The following NDUFAB1 variants were observed in gnomAD, a reference collection of about 807,000 sequenced individuals.
NDUFAB1 encodes acyl carrier protein, mitochondrial.
In NDUFAB1, 5 loss-of-function variants were observed where a neutral mutation model predicts 16.1. The observed-to-expected ratio is 0.31, with a 90% confidence interval of 0.16 to 0.65. The LOEUF is 0.65. Among genes scored for constraint, NDUFAB1 ranks in the 30% least tolerant of loss-of-function variants. The pLI is 0.77. For synonymous variants in NDUFAB1, 85 were observed against 78.4 expected (o/e 1.08, Z -0.44); for missense variants, 187 against 205.3 (o/e 0.91, Z 0.54).
At chr16:23,586,217 C>T (rs1010872684) in intron 2 of NDUFAB1, among the ~76,000 whole-genome samples, 1 of 151,920 alleles carries the variant, frequency 6.6e-6, no homozygotes, top group Non-Finnish European at 1.5e-5. Context: ...TGAGCCACTG[C>T]GCCTGGCCAA....
intron 1 of NDUFAB1, among the ~76,000 whole-genome samples, chr16:23,593,895 T>TATTG (rs1555507889): frequency 7.2e-6 from 1 of 139,722 alleles, no homozygotes; most frequent in Non-Finnish European, 1.5e-5. Context: ...TTTATTTATT[T>TATTG]ATTGAGATGG....
intron 1 of NDUFAB1, among the ~76,000 whole-genome samples, chr16:23,594,586 T>G (rs1287963802): frequency 6.6e-6 from 1 of 151,896 alleles, no homozygotes; most frequent in African/African-American, 2.4e-5. Flanking sequence ...TCGCCTGACC[T>G]CGTGATCCGC....
chr16:23,591,787 A>G (rs889248528), intron 1 of NDUFAB1, among the ~76,000 whole-genome samples: 1 of 152,150 alleles, frequency 6.6e-6, no homozygotes, highest in African/African-American at 2.4e-5. Context: ...GGCCTTCAAG[A>G]TCACGTTCAC....
chr16:23,589,958 A>AAAAAAAAG (rs1966265136), intron 1 of NDUFAB1, among the ~76,000 whole-genome samples: 1 of 136,106 alleles, frequency 7.3e-6, no homozygotes, highest in African/African-American at 2.8e-5. Flanking sequence ...AAAAAAAAAA[A>AAAAAAAAG]AAAAAAAGAA....
chr16:23,587,614 C>A (rs1210372368), intron 1 of NDUFAB1, among the ~76,000 whole-genome samples: 1 of 152,252 alleles, frequency 6.6e-6, no homozygotes, highest in Non-Finnish European at 1.5e-5. Flanking sequence ...CTAACTGCCA[C>A]TAAAATTGTC....
chr16:23,582,703 GCTCCCTCTCCCTCTCCCCACGGTCTCCCT>G (rs1966190960), intron 3 of NDUFAB1, among the ~76,000 whole-genome samples: 3 of 145,488 alleles, frequency 2.1e-5, no homozygotes, highest in South Asian at 4.5e-4. Flanking sequence ...AAGAAACCCA[GCTCCCTCTCCCTCTCCCCACGGTCTCCCT>G]CTCCCTCTCC....
intron 1 of NDUFAB1, among the ~76,000 whole-genome samples, chr16:23,593,583 A>G (rs1966297016): frequency 6.6e-6 from 1 of 152,202 alleles, no homozygotes; most frequent in Non-Finnish European, 1.5e-5. Context: ...GCCATAGTGG[A>G]ACATTTCTGA....
intron 1 of NDUFAB1, among the ~76,000 whole-genome samples, chr16:23,593,863 T>TATTG (rs1254732044): frequency 7.5e-6 from 1 of 133,332 alleles, no homozygotes; most frequent in Non-Finnish European, 1.6e-5. Context: ...TTTATTTATT[T>TATTG]ATTTATTTAT....
intron 1 of NDUFAB1, among the ~76,000 whole-genome samples, chr16:23,588,684 A>T (rs1966253787): frequency 6.6e-6 from 1 of 152,168 alleles, no homozygotes; most frequent in Non-Finnish European, 1.5e-5. Flanking sequence ...ATCTTGCATA[A>T]AGAACAGGTA....
At chr16:23,591,796 A>AAGTAT (rs1214460198) in intron 1 of NDUFAB1, among the ~76,000 whole-genome samples, 1 of 152,176 alleles carries the variant, frequency 6.6e-6, no homozygotes, top group Non-Finnish European at 1.5e-5. Flanking sequence ...GATCACGTTC[A>AAGTAT]CTGAGAGATT....
intron 1 of NDUFAB1, among the ~76,000 whole-genome samples, 169 bp from the exon 2 acceptor site, chr16:23,587,488 G>A (rs753736381): frequency 3.9e-5 from 6 of 152,154 alleles, no homozygotes; most frequent in African/African-American, 9.7e-5. Flanking sequence ...CTGGGTAATC[G>A]CAGAAGCCCC....
chr16:23,585,853 C>T (rs550099), intron 2 of NDUFAB1, among the ~76,000 whole-genome samples: 13,243 of 152,156 alleles, frequency 0.087, 627 homozygotes, highest in East Asian at 0.17. Context: ...CTAGTATGTA[C>T]ATGGTTTGCT....
chr16:23,589,101 T>C (rs1966257308), intron 1 of NDUFAB1, among the ~76,000 whole-genome samples: 2 of 151,542 alleles, frequency 1.3e-5, no homozygotes, highest in Non-Finnish European at 2.9e-5. Flanking sequence ...AGTTCGACAC[T>C]AGCCTGACCA....
At chr16:23,592,108 A>G (rs910739360) in intron 1 of NDUFAB1, among the ~76,000 whole-genome samples, 1 of 152,208 alleles carries the variant, frequency 6.6e-6, no homozygotes, top group African/African-American at 2.4e-5. Context: ...GTGGCCGGAA[A>G]GGAGGATGCC....
At chr16:23,592,366 A>G (rs1022823092) in intron 1 of NDUFAB1, among the ~76,000 whole-genome samples, 11 of 151,206 alleles carry the variant, frequency 7.3e-5, no homozygotes, top group African/African-American at 2.4e-4. Flanking sequence ...AAAAGTCATG[A>G]AAGTGCAGTG....
At chr16:23,586,856 C>CA (rs1966237574) in intron 2 of NDUFAB1, among the ~76,000 whole-genome samples, 1 of 150,800 alleles carries the variant, frequency 6.6e-6, no homozygotes. Flanking sequence ...ACATGTTAGT[C>CA]AGGCTGGTCT....
chr16:23,585,259 C>G, intron 3 of NDUFAB1, 77 bp downstream of exon 3: 1 of 1,065,878 alleles, frequency 9.4e-7, no homozygotes, highest in South Asian at 1.3e-5. Flanking sequence ...AATTCCAATT[C>G]AGACGCCCAC....
rs1303412193 is a variant in NDUFAB1 at position 23,587,296 on chromosome 16, C to A, written c.192G>T (p.Leu64Phe). The A allele has an allele frequency of 6.2e-7, 1 of 1,614,058 alleles. No homozygotes were observed. ...LAQVPGRVTQ[L>F]CRQYSDMPPL... is the part of the protein sequence containing the mutation. ...GAGGCATGTCGCTATACTGGCGGCA[C>A]AACTGTGTAACTCTACCAGGAACCT... Residue 64 changes from leucine to phenylalanine, a missense_variant, in exon 2 of 5, where the codon TTG (leucine) becomes TTT (phenylalanine). Around this residue, in one of 3 missense-constraint regions of NDUFAB1, gnomAD observed 135 missense variants for 129.4 expected, o/e 1.04. Transcript: ENST00000007516.
intron 2 of NDUFAB1, among the ~76,000 whole-genome samples, chr16:23,586,084 C>T (rs527536423): frequency 2.0e-5 from 3 of 151,914 alleles, no homozygotes; most frequent in African/African-American, 7.2e-5. Flanking sequence ...TGCACCACCA[C>T]GCCCAGCTAA....
Sources: gnomAD v4.1 joint callset for allele counts (sites outside exome capture counted in the v4.1 genomes callset) on GRCh38, gnomAD v4.1.1 for gene constraint, gnomAD v4.1.1 regional missense constraint, MANE v1.5 for transcripts, NCBI Gene and HGNC (gene_info 2026-07-23, HGNC 2026-07-21) for gene names.